Variants in CUBN observed in about 807,000 individuals in gnomAD.
CUBN encodes 460 kDa receptor.
A neutral mutation model predicts 405.3 loss-of-function variants in CUBN; 282 were observed. The ratio of observed to expected loss-of-function variants is 0.70; its 90% CI spans 0.63 to 0.77. The LOEUF (loss-of-function observed/expected upper bound fraction) is 0.77, where lower values mean the gene tolerates loss of function less well. Ranked by LOEUF, CUBN falls within the 30% of genes least tolerant of loss-of-function variation. CUBN has a pLI of 0.00. For missense variants in CUBN, 4,514 were observed against 4,475.2 expected (o/e 1.01, Z -0.25); for synonymous variants, 1,684 against 1,617.0 (o/e 1.04, Z -0.99).
At chr10:16,993,355 C>G (rs1833646152) in intron 28 of CUBN, among the ~76,000 whole-genome samples, 1 of 152,162 alleles carries the variant, frequency 6.6e-6, no homozygotes, top group African/African-American at 2.4e-5. Flanking sequence ...ACATAAAACT[C>G]TGTGTAACAT....
intron 58 of CUBN, 26 bp from the exon 59 acceptor site, chr10:16,869,879 G>A (rs759908024): frequency 1.0e-5 from 15 of 1,502,484 alleles, no homozygotes; most frequent in South Asian, 2.3e-5. Flanking sequence ...TGTTAATACT[G>A]ATGTTTCCAT....
intron 50 of CUBN, among the ~76,000 whole-genome samples, chr10:16,904,346 G>A (rs1190940582): frequency 1.3e-5 from 2 of 152,194 alleles, no homozygotes; most frequent in African/African-American, 2.4e-5. Context: ...GAACCTCTAT[G>A]ATGGACACCA....
At chr10:16,833,183 G>A (rs900006795) in intron 64 of CUBN, among the ~76,000 whole-genome samples, 10 of 152,060 alleles carry the variant, frequency 6.6e-5, no homozygotes, top group African/African-American at 2.4e-4. Context: ...CAACCTAACG[G>A]GATTATTCCA....
intron 65 of CUBN, among the ~76,000 whole-genome samples, chr10:16,830,973 GC>G (rs1239849745): frequency 4.6e-5 from 7 of 152,018 alleles, no homozygotes; most frequent in Non-Finnish European, 5.9e-5. Flanking sequence ...TGTAATCTCA[GC>G]TACTTGGGAA....
At chr10:16,913,322 G>A (rs1841786369) in intron 48 of CUBN, among the ~76,000 whole-genome samples, 3 of 152,170 alleles carry the variant, frequency 2.0e-5, no homozygotes, top group African/African-American at 7.2e-5. Flanking sequence ...TTCACTGCAG[G>A]AAGCTGAGAG....
intron 22 of CUBN, among the ~76,000 whole-genome samples, chr10:17,063,469 C>G (rs1835545756): frequency 6.6e-6 from 1 of 152,178 alleles, no homozygotes; most frequent in Non-Finnish European, 1.5e-5. Context: ...AACATCGTCT[C>G]CCCTTCACTT....
rs1289601985 is a variant in CUBN, at chr10:16,982,624, C to T, written c.4555G>A (p.Gly1519Arg). Residue 1519 changes from glycine to arginine, a missense_variant, in exon 31 of 67, where the codon GGA (glycine) becomes AGA (arginine). Coordinates refer to ENST00000377833, the MANE Select transcript of CUBN (RefSeq NM_001081.4). ...GCGGIFQAPS[G>R]EIHSPNYPSP... Reference sequence around the variant, plus strand: ...GGGTAATTTGGAGAATGAATCTCTCCACTGGGAGCCTGGAAAATCCCACCA... The same window carrying T: ...GGGTAATTTGGAGAATGAATCTCTCTACTGGGAGCCTGGAAAATCCCACCA... 2.5e-6 allele frequency: 4 copies of T among 1,613,242 alleles called. No individual in the cohort carries two copies. Among genetic ancestry groups the T allele is most frequent in the African/African-American group, 2.7e-5 (2 of 74,912 alleles).
At chr10:16,986,419 G>A (rs189292353) in intron 29 of CUBN, among the ~76,000 whole-genome samples, 2 of 152,276 alleles carry the variant, frequency 1.3e-5, no homozygotes, top group Admixed American at 1.3e-4. Context: ...CCTACTTTGG[G>A]GAGGAGTGTG....
intron 27 of CUBN, among the ~76,000 whole-genome samples, chr10:17,037,997 G>C (rs1002911881): frequency 1.3e-5 from 2 of 149,854 alleles, no homozygotes; most frequent in East Asian, 3.9e-4. Context: ...GGAATGCAAT[G>C]GTGCGATCCC....
At chr10:17,126,845 T>C (rs193157109) in intron 3 of CUBN, 46 bp from the exon 4 acceptor site, 7 of 1,596,574 alleles carry the variant, frequency 4.4e-6, no homozygotes, top group Admixed American at 1.7e-5. Flanking sequence ...TTCAAAGGCA[T>C]TGCACATGTG....
At position 16,917,064 on chromosome 10, in the gene CUBN, A is replaced by G. The variant is rs112335321; in HGVS notation, c.7001-1034T>C. On this transcript the variant is annotated intron_variant, in intron 45 of 66. Coordinates refer to ENST00000377833, the MANE Select transcript of CUBN (RefSeq NM_001081.4). ...CCTGACCTCGTGATCCACCTGCCTT[A>G]GCCTCCCAAAGTGCTAGGATTACAA... Among the ~76,000 whole-genome samples, 1,383 of 152,084 alleles carry G rather than the reference A, an allele frequency of 9.1e-3. 16 individuals are homozygous for G. The highest frequency in any genetic ancestry group is 0.031 in the African/African-American group (1,286 of 41,454).
At chr10:16,916,512 C>G (rs1841889675) in intron 45 of CUBN, among the ~76,000 whole-genome samples, 1 of 152,204 alleles carries the variant, frequency 6.6e-6, no homozygotes, top group Non-Finnish European at 1.5e-5. Context: ...TAACTGATAT[C>G]TCAGGGCCTT....
intron 1 of CUBN, 81 bp from the exon 2 acceptor site, chr10:17,129,331 T>C (rs890732968): frequency 4.7e-6 from 7 of 1,477,072 alleles, no homozygotes; most frequent in Non-Finnish European, 6.6e-6. Context: ...TCTTACTGAA[T>C]AACTACAGGC....
chr10:16,914,283 C>T (rs1012899842), intron 47 of CUBN, among the ~76,000 whole-genome samples: 10 of 151,962 alleles, frequency 6.6e-5, no homozygotes, highest in Admixed American at 3.9e-4. Flanking sequence ...TCAGGAAAAT[C>T]GGGCCAGGCA....
intron 54 of CUBN, among the ~76,000 whole-genome samples, chr10:16,895,918 GTTTAC>G (rs1048117301): frequency 3.3e-5 from 5 of 151,980 alleles, no homozygotes; most frequent in South Asian, 2.1e-4. Flanking sequence ...TATAATTTCT[GTTTAC>G]TTTATCTGCT....
chr10:16,839,211 A>G (rs1056324304), intron 62 of CUBN, among the ~76,000 whole-genome samples: 3 of 152,122 alleles, frequency 2.0e-5, no homozygotes, highest in African/African-American at 7.2e-5. Context: ...GGGAGGATGC[A>G]CTTTTAAGAT....
intron 22 of CUBN, among the ~76,000 whole-genome samples, chr10:17,056,501 C>G (rs1036818848): frequency 6.6e-6 from 1 of 151,772 alleles, no homozygotes; most frequent in African/African-American, 2.4e-5. Context: ...CCCAGCTACT[C>G]GGGAGGCTGA....
intron 64 of CUBN, among the ~76,000 whole-genome samples, chr10:16,832,703 A>T (rs530997700): frequency 6.6e-6 from 1 of 152,314 alleles, no homozygotes; most frequent in East Asian, 1.9e-4. Flanking sequence ...GAATGGGGCC[A>T]CCTAGAGCAG....
At chr10:17,016,655 C>G (rs1834336253) in intron 28 of CUBN, among the ~76,000 whole-genome samples, 1 of 152,076 alleles carries the variant, frequency 6.6e-6, no homozygotes, top group Non-Finnish European at 1.5e-5. Context: ...TTCTCCTTCC[C>G]CTACAGCTTG....
Sources: gnomAD v4.1 joint callset for allele counts (sites outside exome capture counted in the v4.1 genomes callset) on GRCh38, gnomAD v4.1.1 for gene constraint, MANE v1.5 for transcripts, NCBI Gene and HGNC (gene_info 2026-07-23, HGNC 2026-07-21) for gene names.